The following SHOC1 variants were observed in gnomAD, a reference collection of about 807,000 sequenced individuals.
SHOC1 encodes the protein protein shortage in chiasmata 1 ortholog.
SHOC1 carries 136 observed loss-of-function variants against 179.2 expected under a neutral mutation model. The ratio of observed to expected loss-of-function variants is 0.76; its 90% CI spans 0.66 to 0.87. SHOC1 has a LOEUF of 0.87. Ranked by LOEUF, SHOC1 falls within the 40% of genes least tolerant of loss-of-function variation. The pLI, the probability that SHOC1 is intolerant of heterozygous loss-of-function variation, is 0.00. For missense variants in SHOC1, 1,538 were observed against 1,700.8 expected (o/e 0.90, Z 1.68); for synonymous variants, 489 against 586.6 (o/e 0.83, Z 2.41).
intron 5 of SHOC1, among the ~76,000 whole-genome samples, chr9:111,768,510 C>A (rs577828196): frequency 6.6e-6 from 1 of 152,290 alleles, no homozygotes; most frequent in South Asian, 2.1e-4. Flanking sequence ...TGAGCCACCG[C>A]GCCCAGCCAT....
chr9:111,733,738 C>T (rs1397869175), intron 12 of SHOC1, among the ~76,000 whole-genome samples: 2 of 151,820 alleles, frequency 1.3e-5, no homozygotes, highest in African/African-American at 2.4e-5. Context: ...CACGGTGGCG[C>T]GTGGCTGTAG....
intron 12 of SHOC1, among the ~76,000 whole-genome samples, chr9:111,732,685 A>C (rs1048027750): frequency 6.6e-6 from 1 of 152,206 alleles, no homozygotes; most frequent in Non-Finnish European, 1.5e-5. Context: ...CATAAGTGAA[A>C]TTCTAGGATA....
At position 111,748,196 on chromosome 9, in the gene SHOC1, A is replaced by T; in HGVS notation, c.866T>A (p.Leu289His). ...DEKEKLFERD[L>H]TNKHGIEDIG... ...ATCCTCAATTCCATGCTTGTTAGTA[A>T]GATCTGAAAAGGAAGAAACTCTGTT... The change falls in exon 9 of 28, where the codon CTT (leucine) becomes CAT (histidine). Residue 289 changes from leucine to histidine, a missense_variant. Leu to His is a moderately conservative substitution (Grantham distance 99). Transcript: ENST00000682961. 3 of 1,604,612 alleles carry T rather than the reference A, an allele frequency of 1.9e-6. No individual in the cohort carries two copies. Among genetic ancestry groups the T allele is most frequent in the Non-Finnish European group, 2.6e-6 (3 of 1,172,038 alleles).
At chr9:111,751,859 CAG>C (rs1834603923) in intron 8 of SHOC1, among the ~76,000 whole-genome samples, 1 of 152,080 alleles carries the variant, frequency 6.6e-6, no homozygotes, top group African/African-American at 2.4e-5. Flanking sequence ...ATCTACATTT[CAG>C]AGATATTAAT....
chr9:111,692,567 G>T (rs868064143), intron 26 of SHOC1, 56 bp from the exon 27 acceptor site: 36 of 1,329,206 alleles, frequency 2.7e-5, no homozygotes, highest in Non-Finnish European at 3.6e-5. Context: ...AAATAATGAT[G>T]CTTATCTATA....
intron 2 of SHOC1, among the ~76,000 whole-genome samples, chr9:111,789,446 GAA>G (rs1169720210): frequency 6.6e-6 from 1 of 152,066 alleles, no homozygotes; most frequent in East Asian, 1.9e-4. Context: ...CTTTGATCAT[GAA>G]AAAGATATTT....
At chr9:111,747,979 C>T (rs1589437302) in intron 9 of SHOC1, 113 bp downstream of exon 9, 2 of 627,552 alleles carry the variant, frequency 3.2e-6, no homozygotes, top group East Asian at 2.7e-5. Flanking sequence ...TATAACAATC[C>T]AATTTTAAAC....
intron 10 of SHOC1, among the ~76,000 whole-genome samples, chr9:111,742,690 T>G (rs755462744): frequency 1.3e-5 from 2 of 152,144 alleles, no homozygotes; most frequent in Non-Finnish European, 2.9e-5. Flanking sequence ...GCATGCTAAT[T>G]ATAAGTATTG....
intron 24 of SHOC1, 40 bp from the exon 25 acceptor site, chr9:111,694,402 G>A: frequency 2.1e-6 from 3 of 1,427,788 alleles, no homozygotes; most frequent in East Asian, 2.3e-5. Context: ...GGAAATACTA[G>A]GAAGCAAAAT....
chr9:111,751,319 T>C (rs150684956), intron 8 of SHOC1, among the ~76,000 whole-genome samples: 1,593 of 152,300 alleles, frequency 0.01, 30 homozygotes, highest in African/African-American at 0.036. Context: ...TTATCTTGGC[T>C]ATTTGGGCTG....
intron 4 of SHOC1, among the ~76,000 whole-genome samples, chr9:111,779,748 C>T (rs1307266305): frequency 6.6e-6 from 1 of 152,056 alleles, no homozygotes; most frequent in Non-Finnish European, 1.5e-5. Flanking sequence ...ATTGCAGAAT[C>T]TCAGGCTCCA....
In SHOC1 at chr9:111,686,674, G is replaced by A; in HGVS notation, c.*96C>T. 1.3e-6 allele frequency: 1 copy of A among 750,982 alleles called. No individual in the cohort carries two copies. The highest frequency in any genetic ancestry group is 2.3e-6 in the Non-Finnish European group (1 of 432,728). 46.5% of individuals were successfully genotyped at this position (750,982 alleles called of 1,614,324 possible). On this transcript the variant is annotated 3_prime_UTR_variant, in exon 28 of 28. Transcript: ENST00000682961. ...TACTGAGACATATATGAACAATTGT[G>A]TTTTCTTTAGTGTATGAGCAAATCT...
rs778048704 is a variant in SHOC1, at chr9:111,722,426, C to G, written c.2114G>C (p.Ser705Thr). 6.2e-7 allele frequency: 1 copy of G among 1,601,422 alleles called. No individual in the cohort carries two copies. The highest frequency in any genetic ancestry group is 1.3e-5 in the African/African-American group (1 of 74,186). Residue 705 changes from serine to threonine, a missense_variant, in exon 15 of 28, where the codon AGT (serine) becomes ACT (threonine). Transcript: ENST00000682961. ...GTACTCACCTTGGCGAACAGCATCACTTACTACTTTTTCTTGTTCCTTTAA... is the reference window on the plus strand; with the variant it reads ...GTACTCACCTTGGCGAACAGCATCAGTTACTACTTTTTCTTGTTCCTTTAA... ...FLLKEQEKVV[S>T]DAVRQGTIDE...
At chr9:111,776,356 G>A (rs1252516032) in intron 4 of SHOC1, among the ~76,000 whole-genome samples, 2 of 152,272 alleles carry the variant, frequency 1.3e-5, no homozygotes, top group East Asian at 3.9e-4. Context: ...ATAATTGCTT[G>A]CTATTATAAG....
chr9:111,709,173 T>C (rs1013161079), intron 18 of SHOC1, among the ~76,000 whole-genome samples: 3 of 152,152 alleles, frequency 2.0e-5, no homozygotes, highest in African/African-American at 7.2e-5. Flanking sequence ...AAGCCCTGTC[T>C]CTACTAAAAA....
At chr9:111,756,959 A>G (rs1834889510) in intron 7 of SHOC1, among the ~76,000 whole-genome samples, 1 of 152,214 alleles carries the variant, frequency 6.6e-6, no homozygotes. Flanking sequence ...TAACCTGGGA[A>G]GCAAGAGGTA....
At position 111,691,742 on chromosome 9, in the gene SHOC1, C is replaced by T. The variant is rs760262531; in HGVS notation, c.4235G>A (p.Ser1412Asn). The change falls in exon 27 of 28, where the codon AGT (serine) becomes AAT (asparagine). Residue 1412 changes from serine to asparagine, a missense_variant. Ser to Asn is a conservative substitution (Grantham distance 46). Transcript: ENST00000682961. ...SDESEGLTCE[S>N]SKDETFWREL... ...TCTCCAGAAAGTCTCATCTTTTGAA[C>T]TTTCACATGTGAGGCCTTCAGACTC... 1.2e-6 allele frequency: 2 copies of T among 1,614,018 alleles called. No individual in the cohort carries two copies. The highest frequency in any genetic ancestry group is 2.2e-5 in the East Asian group (1 of 44,858).
At position 111,714,479 on chromosome 9, in the gene SHOC1, ATC is replaced by A. The variant is rs1198925848; in HGVS notation, c.2379_2380del (p.Gln793HisfsTer12). 1.9e-6 allele frequency: 3 copies of A among 1,613,976 alleles called. No homozygotes were observed. The South Asian group carries it at 3.3e-5, about 18-fold the overall frequency. On this transcript the variant is annotated frameshift_variant, in exon 17 of 28. Transcript: ENST00000682961. LOFTEE classifies it high-confidence loss of function. ...CTGTTGACTTTGCATCCAACTTAGT[ATC>A]TGACATTGCAATTCTTGTATCTTGT...
chr9:111,716,659 G>A (rs1199308688), intron 16 of SHOC1, among the ~76,000 whole-genome samples: 1 of 152,078 alleles, frequency 6.6e-6, no homozygotes, highest in Non-Finnish European at 1.5e-5. Flanking sequence ...CCAAAGTGCT[G>A]GGATTACAGG....
Sources: allele counts gnomAD v4.1 joint callset (sites outside exome capture counted in the v4.1 genomes callset), GRCh38; gene constraint gnomAD v4.1.1; transcripts MANE v1.5; gene names NCBI Gene and HGNC (gene_info 2026-07-23, HGNC 2026-07-21).